Variants in RFX7 observed in about 807,000 individuals in gnomAD.
RFX7 encodes regulatory factor X7, also known as DNA-binding protein RFX7.
In RFX7, 26 loss-of-function variants were observed where a neutral mutation model predicts 111.8. The observed-to-expected ratio is 0.23, with a 90% CI of 0.17 to 0.32. RFX7 has a LOEUF of 0.32. RFX7 is among the 10% of genes least tolerant of loss of function. The pLI, the probability that RFX7 is intolerant of heterozygous loss-of-function variation, is 1.00. For synonymous variants in RFX7, 624 were observed against 624.4 expected (o/e 1.00, Z 0.01); for missense variants, 1,573 against 1,772.9 (o/e 0.89, Z 2.02).
chr15:56,228,088 T>C (rs1596023570), intron 2 of RFX7, among the ~76,000 whole-genome samples: 1 of 152,134 alleles, frequency 6.6e-6, no homozygotes, highest in East Asian at 1.9e-4. Context: ...TTCTTATCTT[T>C]ATTCCTCTGT....
chr15:56,237,499 T>C (rs1013985407), intron 2 of RFX7, among the ~76,000 whole-genome samples: 1 of 152,210 alleles, frequency 6.6e-6, no homozygotes, highest in Non-Finnish European at 1.5e-5. Flanking sequence ...TATTATTTTC[T>C]AATGGAAAAA....
At chr15:56,224,768 A>C (rs2043464334) in intron 2 of RFX7, among the ~76,000 whole-genome samples, 1 of 152,050 alleles carries the variant, frequency 6.6e-6, no homozygotes, top group African/African-American at 2.4e-5. Context: ...TTAATAGAGA[A>C]AACTTTTCAT....
At chr15:56,110,429 C>CT in intron 5 of RFX7, among the ~76,000 whole-genome samples, 1 of 131,606 alleles carries the variant, frequency 7.6e-6, no homozygotes, top group African/African-American at 2.8e-5. Context: ...GGGTCAGCCC[C>CT]CCGCCCGGCC....
chr15:56,146,900 C>A (rs1350982279), intron 3 of RFX7, among the ~76,000 whole-genome samples: 1 of 152,154 alleles, frequency 6.6e-6, no homozygotes, highest in African/African-American at 2.4e-5. Context: ...GCATTTCAGT[C>A]CAGCAAGGCT....
Position 56,237,009 on chromosome 15 carries a change from G to A in RFX7, c.161+6116C>T, listed in dbSNP as rs186539801. On this transcript the variant is annotated intron_variant, in intron 2 of 9. Transcript: ENST00000559447. Reference sequence around the variant, plus strand: ...AAGTCCTCCTCAGCTAACACCCAAGGAAACACTGACAAATCCTAATAATTC... The same window carrying A: ...AAGTCCTCCTCAGCTAACACCCAAGAAAACACTGACAAATCCTAATAATTC... 2.6e-5 allele frequency among the ~76,000 whole-genome samples: 4 copies of A among 151,924 alleles called. No individual in the cohort carries two copies. The East Asian group carries it at 7.9e-4, about 30-fold the overall frequency.
At chr15:56,177,985 C>A (rs1384341367) in intron 3 of RFX7, among the ~76,000 whole-genome samples, 1 of 151,982 alleles carries the variant, frequency 6.6e-6, no homozygotes, top group Non-Finnish European at 1.5e-5. Context: ...TGGAATATGT[C>A]TTTTCTGTTT....
At chr15:56,243,040 G>GCGCC in intron 2 of RFX7, 85 bp downstream of exon 2, 1 of 570,718 alleles carries the variant, frequency 1.8e-6, no homozygotes, top group Non-Finnish European at 3.1e-6. Flanking sequence ...CTCCTCCTCC[G>GCGCC]CTCCCCCCGC....
intron 5 of RFX7, among the ~76,000 whole-genome samples, chr15:56,108,224 G>C (rs772991702): frequency 2.0e-5 from 3 of 152,134 alleles, no homozygotes. Flanking sequence ...GCATCATCCT[G>C]ATACCAAATC....
At chr15:56,125,618 T>A (rs866567786) in intron 5 of RFX7, among the ~76,000 whole-genome samples, 1 of 98,774 alleles carries the variant, frequency 1.0e-5, no homozygotes, top group African/African-American at 3.1e-5. Flanking sequence ...TGAGTGTGTG[T>A]GTGTGTGTGT....
chr15:56,122,109 T>C (rs1246739438), intron 5 of RFX7, among the ~76,000 whole-genome samples: 6 of 152,192 alleles, frequency 3.9e-5, no homozygotes, highest in African/African-American at 1.4e-4. Flanking sequence ...ATTGAAGAGT[T>C]AGATATTTAT....
chr15:56,190,583 C>A (rs2043089983), intron 2 of RFX7, among the ~76,000 whole-genome samples: 1 of 152,200 alleles, frequency 6.6e-6, no homozygotes, highest in South Asian at 2.1e-4. Flanking sequence ...ATCACAAAAG[C>A]ATTCCCTAAT....
intron 2 of RFX7, chr15:56,193,001 A>G (rs147197129): frequency 1.3e-4 from 27 of 205,286 alleles, no homozygotes; most frequent in African/African-American, 3.7e-4. Context: ...TATGCTGCTT[A>G]GGGTTTTCTC....
Position 56,179,761 on chromosome 15 carries a change from AACACACACAC to A in RFX7, c.162-468_162-459del, listed in dbSNP as rs58597217. Among the ~76,000 whole-genome samples the A allele has an allele frequency of 7.3e-3, 1,006 of 137,384 alleles. 13 individuals carry two copies. The highest frequency in any genetic ancestry group is 0.042 in the East Asian group (197 of 4,708). The allele number at this position is 137,384 out of a possible 152,430, so 90.1% of individuals were successfully genotyped here. On this transcript the variant is annotated intron_variant, in intron 2 of 9. Transcript: ENST00000559447. ...TTCTGTTCCCTCCTCTCTCTGTCTCAACACACACACACACACACACACACACACACACACA... is the reference window on the plus strand; with the variant it reads ...TTCTGTTCCCTCCTCTCTCTGTCTCAACACACACACACACACACACACACA...
chr15:56,203,863 C>A (rs533328140), intron 2 of RFX7, among the ~76,000 whole-genome samples: 1 of 152,250 alleles, frequency 6.6e-6, no homozygotes, highest in South Asian at 2.1e-4. Flanking sequence ...GTCCTCAGGG[C>A]GTCTCTGTCT....
intron 2 of RFX7, among the ~76,000 whole-genome samples, chr15:56,220,277 C>G (rs1378212529): frequency 6.6e-6 from 1 of 152,132 alleles, no homozygotes; most frequent in African/African-American, 2.4e-5. Flanking sequence ...GTTGCCCAGG[C>G]TGAAATGCAG....
At chr15:56,135,234 G>A (rs1384560245) in intron 5 of RFX7, among the ~76,000 whole-genome samples, 10 of 151,322 alleles carry the variant, frequency 6.6e-5, no homozygotes, top group African/African-American at 2.2e-4. Context: ...CCCACCAACA[G>A]TGTAAAAGTG....
chr15:56,235,447 C>G (rs1432168555), intron 2 of RFX7, among the ~76,000 whole-genome samples: 3 of 152,098 alleles, frequency 2.0e-5, no homozygotes, highest in African/African-American at 7.2e-5. Context: ...GTGCCCTGTT[C>G]TCATCTTGTA....
At chr15:56,228,766 C>G (rs2043514845) in intron 2 of RFX7, among the ~76,000 whole-genome samples, 1 of 151,974 alleles carries the variant, frequency 6.6e-6, no homozygotes, top group African/African-American at 2.4e-5. Flanking sequence ...TAAAGTAGTC[C>G]CCCCTCATTC....
At chr15:56,215,922 C>A (rs531845883) in intron 2 of RFX7, among the ~76,000 whole-genome samples, 1 of 152,062 alleles carries the variant, frequency 6.6e-6, no homozygotes, top group South Asian at 2.1e-4. Context: ...CTGCAGGAGG[C>A]CTTATACCTC....
Sources: gnomAD v4.1 joint callset for allele counts (sites outside exome capture counted in the v4.1 genomes callset) on GRCh38, gnomAD v4.1.1 for gene constraint, MANE v1.5 for transcripts, NCBI Gene and HGNC (gene_info 2026-07-23, HGNC 2026-07-21) for gene names.